DST: variants seen among roughly 807,000 people sequenced by gnomAD.
DST encodes the protein bullous pemphigoid antigen.
In DST, 253 loss-of-function variants were observed where a neutral mutation model predicts 875.2. The observed-to-expected ratio is 0.29, with a 90% CI of 0.26 to 0.32. The LOEUF (loss-of-function observed/expected upper bound fraction) is 0.32, where lower values mean the gene tolerates loss of function less well. Ranked by LOEUF, DST falls within the 10% of genes least tolerant of loss-of-function variation. The pLI is 1.00. For missense variants in DST, 8,287 were observed against 9,111.6 expected (o/e 0.91, Z 3.68); for synonymous variants, 3,124 against 3,197.1 (o/e 0.98, Z 0.77).
At chr6:56,748,030 T>C (rs971033764) in intron 4 of DST, among the ~76,000 whole-genome samples, 1 of 152,190 alleles carries the variant, frequency 6.6e-6, no homozygotes, top group Non-Finnish European at 1.5e-5. Context: ...TCAAGTTTCT[T>C]TGAAATTTTA....
chr6:56,562,913 T>G (rs1240291482), intron 55 of DST, among the ~76,000 whole-genome samples: 1 of 152,198 alleles, frequency 6.6e-6, no homozygotes, highest in African/African-American at 2.4e-5. Flanking sequence ...GGAAAGGACA[T>G]GAACATATCC....
At chr6:56,739,476 A>G (rs1396971483) in intron 4 of DST, among the ~76,000 whole-genome samples, 1 of 152,090 alleles carries the variant, frequency 6.6e-6, no homozygotes, top group Non-Finnish European at 1.5e-5. Flanking sequence ...TAATGAGTCC[A>G]GTGCTATGGT....
Position 56,714,933 on chromosome 6 carries a change from C to T in DST, c.688-10564G>A, listed in dbSNP as rs1057296635. ...TACCAGTACACCAATCATCATTTTA[C>T]TTATAGTTTTATGTAGACAATATAC... On this transcript the variant is annotated intron_variant, in intron 5 of 103. Transcript: ENST00000680361. The surrounding 1 kb of genome is among the most constrained non-coding windows in gnomAD (Gnocchi z 4.5). Among the ~76,000 whole-genome samples the T allele has an allele frequency of 2.0e-5, 3 of 152,156 alleles. No individual in the cohort carries two copies. The highest frequency in any genetic ancestry group is 2.1e-4 in the South Asian group (1 of 4,832).
At chr6:56,474,095 G>T in intron 92 of DST, 93 bp from the exon 93 acceptor site, 1 of 1,102,008 alleles carries the variant, frequency 9.1e-7, no homozygotes, top group Non-Finnish European at 1.3e-6. Context: ...AAAGAACCAT[G>T]TTATTATTTC....
chr6:56,900,641 C>G lies in DST; in HGVS notation c.217-20G>C, dbSNP rs747832794. 7.3e-7 allele frequency: 1 copy of G among 1,363,488 alleles called. No homozygotes were observed. Among genetic ancestry groups the G allele is most frequent in the African/African-American group, 1.5e-5 (1 of 67,598 alleles). The allele number at this position is 1,363,488 out of a possible 1,614,324, so 84.5% of individuals were successfully genotyped here. ...GAATCCCTGTGGCAGAAAACACAAC[C>G]AAGCAAATCCAGATTTGTATTGAGT... On this transcript the variant is annotated intron_variant, in intron 2 of 103. Transcript: ENST00000680361.
intron 4 of DST, among the ~76,000 whole-genome samples, chr6:56,837,923 G>GA (rs112829003): frequency 1.1e-4 from 16 of 144,906 alleles, no homozygotes; most frequent in Non-Finnish European, 1.5e-4. Flanking sequence ...AGGACAAGCA[G>GA]AAAAAAAAAA....
At chr6:56,765,095 C>T (rs573129876) in intron 4 of DST, among the ~76,000 whole-genome samples, 4 of 152,252 alleles carry the variant, frequency 2.6e-5, no homozygotes, top group African/African-American at 9.6e-5. Flanking sequence ...GTAGGAATAA[C>T]TTATTCAGTG....
At chr6:56,660,572 C>A (rs979359007) in intron 10 of DST, among the ~76,000 whole-genome samples, 4 of 148,684 alleles carry the variant, frequency 2.7e-5, no homozygotes, top group Non-Finnish European at 5.9e-5. Flanking sequence ...CATGTCCTTA[C>A]TGTTCTTATT....
At chr6:56,641,659 T>C (rs532699004) in intron 17 of DST, among the ~76,000 whole-genome samples, 101 of 152,318 alleles carry the variant, frequency 6.6e-4, no homozygotes, top group African/African-American at 2.0e-3. Flanking sequence ...TTTAAATGTA[T>C]GTAAATGTAT....
chr6:56,934,560 T>TTATATTATATATA (rs1554267211), intron 2 of DST, among the ~76,000 whole-genome samples: 13 of 106,482 alleles, frequency 1.2e-4, no homozygotes, highest in African/African-American at 4.6e-4. Context: ...ATATATTATA[T>TTATATTATATATA]TATATATATA....
chr6:56,663,000 C>A (rs2099053058), intron 10 of DST, among the ~76,000 whole-genome samples: 1 of 152,054 alleles, frequency 6.6e-6, no homozygotes. Context: ...ACAAAACACA[C>A]AGTAATGGGA....
intron 23 of DST, among the ~76,000 whole-genome samples, chr6:56,636,289 T>G (rs141993226): frequency 6.7e-6 from 1 of 148,906 alleles, no homozygotes; most frequent in South Asian, 2.1e-4. Flanking sequence ...CACACACACA[T>G]ATACATATAT....
chr6:56,566,700 C>A (rs1230453745), intron 55 of DST, among the ~76,000 whole-genome samples: 2 of 152,100 alleles, frequency 1.3e-5, no homozygotes, highest in Non-Finnish European at 2.9e-5. Context: ...TGATAAAGGT[C>A]CTGAAGCTCA....
chr6:56,557,995 C>T (rs2097456681), intron 58 of DST, among the ~76,000 whole-genome samples: 1 of 152,136 alleles, frequency 6.6e-6, no homozygotes, highest in Non-Finnish European at 1.5e-5. Flanking sequence ...CGTAGGAAGT[C>T]TCACCAATTA....
chr6:56,843,726 TGG>T (rs2099803606), intron 4 of DST: 1 of 86,598 alleles, frequency 1.2e-5, no homozygotes. Context: ...GGGTGGAGGG[TGG>T]AGAGTGGAGG....
intron 3 of DST, chr6:56,851,867 T>C: frequency 1.3e-6 from 2 of 1,551,378 alleles, no homozygotes; most frequent in East Asian, 4.9e-5. Flanking sequence ...ACGGAAGAAG[T>C]GTGTGGCCTG....
At chr6:56,620,689 T>C in intron 36 of DST, 1 of 1,614,136 alleles carries the variant, frequency 6.2e-7, no homozygotes, top group Non-Finnish European at 8.5e-7. Context: ...ATGCCCCATG[T>C]TCAGAAGTCT....
chr6:56,782,866 T>C (rs2099696921), intron 4 of DST, among the ~76,000 whole-genome samples: 1 of 152,222 alleles, frequency 6.6e-6, no homozygotes, highest in Non-Finnish European at 1.5e-5. Context: ...CATTTAGTGC[T>C]ATAAATTTCC....
chr6:56,835,147 T>C (rs770857117), intron 4 of DST, among the ~76,000 whole-genome samples: 4 of 152,224 alleles, frequency 2.6e-5, no homozygotes, highest in East Asian at 1.9e-4. Flanking sequence ...ACATAAAATA[T>C]AGAGAGAGCA....
Sources: gnomAD v4.1 joint callset for allele counts (sites outside exome capture counted in the v4.1 genomes callset) on GRCh38, gnomAD v4.1.1 for gene constraint, Gnocchi (gnomAD v3.1) non-coding constraint, MANE v1.5 for transcripts, NCBI Gene and HGNC (gene_info 2026-07-23, HGNC 2026-07-21) for gene names.